CELA1: variants seen among roughly 807,000 people sequenced by gnomAD.
CELA1 encodes chymotrypsin like elastase 1, also known as chymotrypsin-like elastase family member 1.
CELA1 carries 28 observed loss-of-function variants against 34.8 expected under a neutral mutation model. The ratio of observed to expected loss-of-function variants is 0.80; its 90% CI spans 0.60 to 1.10. The LOEUF (loss-of-function observed/expected upper bound fraction) is 1.10, where lower values mean the gene tolerates loss of function less well. Among genes scored for constraint, CELA1 ranks in the 50% least tolerant of loss-of-function variants. The pLI, the probability that CELA1 is intolerant of heterozygous loss-of-function variation, is 0.00. For synonymous variants in CELA1, 140 were observed against 129.8 expected, an observed-to-expected ratio of 1.08 and a Z score of -0.53; for missense variants, 288 against 327.5, an observed-to-expected ratio of 0.88 and a Z score of 0.93.
At position 51,342,531 on chromosome 12, in the gene CELA1, A is replaced by G. The variant is rs1368144718; in HGVS notation, c.326+44T>C. ...GAAGGCAGCCAGTTGTTGGCTAGTC[A>G]GGCCTCACCGCCCAGCCCAGGGCCA... On this transcript the variant is annotated intron_variant, in intron 4 of 7. Coordinates refer to ENST00000293636, the MANE Select transcript of CELA1 (RefSeq NM_001971.6). 7 of 1,613,218 alleles carry G rather than the reference A, an allele frequency of 4.3e-6. No homozygotes were observed. In the Admixed American group the frequency reaches 1.0e-4, roughly 23 times the overall value.
At chr12:51,339,724 T>G in intron 6 of CELA1, 136 bp downstream of exon 6, 2 of 792,992 alleles carry the variant, frequency 2.5e-6, no homozygotes, top group South Asian at 3.9e-5. Flanking sequence ...AGGATCATTC[T>G]CACTTAGACG....
rs548085578 is a variant in CELA1, at chr12:51,337,880, C to T, written c.609+1980G>A. On this transcript the variant is annotated intron_variant, in intron 6 of 7. Transcript: ENST00000293636. ...GAACCATGATGGTACAACTGAACTC[C>T]AGCCTGGGCAACAGAGTGAGACGCT... is the stretch of plus-strand genomic sequence containing the variant. 3.3e-5 allele frequency among the ~76,000 whole-genome samples: 5 copies of T among 150,028 alleles called. No individual in the cohort carries two copies. The South Asian group carries it at 1.1e-3, about 32-fold the overall frequency.
At chr12:51,342,773 G>T in intron 3 of CELA1, 73 bp from the exon 4 acceptor site, 2 of 1,461,360 alleles carry the variant, frequency 1.4e-6, no homozygotes, top group Non-Finnish European at 1.8e-6. Flanking sequence ...GAGAAAAGTT[G>T]AAAAACCATC....
At chr12:51,340,388 C>CT (rs11315182) in intron 5 of CELA1, among the ~76,000 whole-genome samples, 29,574 of 121,450 alleles carry the variant, frequency 0.24, 4,039 homozygotes, top group Middle Eastern at 0.34. Context: ...TTCTTTCTTT[C>CT]TTTTTTTTTT....
chr12:51,333,180 C>T (rs1269043024), intron 6 of CELA1, among the ~76,000 whole-genome samples: 2 of 151,656 alleles, frequency 1.3e-5, no homozygotes, highest in East Asian at 2.0e-4. Flanking sequence ...CTGCCACTTC[C>T]GCCTCCTAGG....
At position 51,339,978 on chromosome 12, in the gene CELA1, T is replaced by C; in HGVS notation, c.491A>G (p.Gln164Arg). The C allele has an allele frequency of 1.9e-6, 3 of 1,613,954 alleles. No homozygotes were observed. In the South Asian group the frequency reaches 3.3e-5, roughly 18 times the overall value. Residue 164 changes from glutamine (Q) to arginine (R), a missense_variant, in exon 6 of 8, where the codon CAG becomes CGG. Gln to Arg is a conservative substitution (Grantham distance 43). Transcript: ENST00000293636. ...KTNGQLAQTL[Q>R]QAYLPSVDYA... The stretch of plus-strand genomic sequence containing the variant: ...GTCCACAGAGGGCAGGTAAGCCTGC[T>C]GCAGGGTCTGGGCCAGCTGCCCATT...
Position 51,346,203 on chromosome 12 carries a change from C to A in CELA1, c.17-326G>T, listed in dbSNP as rs17860286. On this transcript the variant is annotated intron_variant, in intron 1 of 7. Coordinates refer to ENST00000293636, the MANE Select transcript of CELA1 (RefSeq NM_001971.6). The stretch of plus-strand genomic sequence containing the variant: ...CCTTTGGCCTGAAGAGACCCCCCCC[C>A]ACTCTTTGACCCCCACCAGCCCCCT... 8.7e-3 allele frequency among the ~76,000 whole-genome samples: 1,304 copies of A among 149,214 alleles called. 27 individuals are homozygous for A. Among genetic ancestry groups the A allele is most frequent in the African/African-American group, 0.03 (1,226 of 40,516 alleles).
intron 2 of CELA1, 80 bp downstream of exon 2, chr12:51,345,715 G>T: frequency 1.0e-6 from 1 of 998,958 alleles, no homozygotes; most frequent in Non-Finnish European, 1.6e-6. Context: ...ATAGGGACAT[G>T]CACAAATACA....
In CELA1 at chr12:51,343,805, C is replaced by A. The variant is rs769163146; in HGVS notation, c.148G>T (p.Gly50Trp). Reference protein sequence around the residue: ...SGGSRYHTCGGTLIRQNWVMT... With the variant: ...SGGSRYHTCGWTLIRQNWVMT... Reference sequence around the variant, plus strand: ...ACCCAGTTCTGTCTGATAAGGGTCCCTCCACAGGTGTGATACCGGGAACCT... The same window carrying A: ...ACCCAGTTCTGTCTGATAAGGGTCCATCCACAGGTGTGATACCGGGAACCT... Residue 50 changes from glycine (G) to tryptophan (W), a missense_variant, in exon 3 of 8, where the codon GGG becomes TGG. Gly to Trp is a radical substitution (Grantham distance 184). Transcript: ENST00000293636. 1.9e-6 allele frequency: 3 copies of A among 1,611,414 alleles called. No individual in the cohort carries two copies. Among genetic ancestry groups the A allele is most frequent in the Non-Finnish European group, 1.7e-6 (2 of 1,178,160 alleles).
At chr12:51,338,653 C>T (rs912494043) in intron 6 of CELA1, among the ~76,000 whole-genome samples, 1 of 152,216 alleles carries the variant, frequency 6.6e-6, no homozygotes, top group Non-Finnish European at 1.5e-5. Flanking sequence ...CACCTGTGCA[C>T]ATCCTGATTA....
intron 6 of CELA1, among the ~76,000 whole-genome samples, chr12:51,332,693 C>T (rs1390709423): frequency 2.0e-5 from 3 of 151,860 alleles, no homozygotes; most frequent in Non-Finnish European, 4.4e-5. Flanking sequence ...AGCGAAACCC[C>T]GACTCTACTA....
chr12:51,333,413 T>TG (rs1241868448), intron 6 of CELA1, among the ~76,000 whole-genome samples: 1 of 148,820 alleles, frequency 6.7e-6, no homozygotes, highest in Non-Finnish European at 1.5e-5. Flanking sequence ...TTGTTTTTTT[T>TG]TTTTTAAGAC....
At chr12:51,329,980 A>T in intron 6 of CELA1, 147 bp from the exon 7 acceptor site, 2 of 627,528 alleles carry the variant, frequency 3.2e-6, no homozygotes, top group Non-Finnish European at 5.3e-6. Flanking sequence ...CCACAATCAA[A>T]ATGAATCTCT....
At chr12:51,341,482 A>T (rs1946535018) in intron 4 of CELA1, 102 bp from the exon 5 acceptor site, 1 of 1,346,826 alleles carries the variant, frequency 7.4e-7, no homozygotes, top group Non-Finnish European at 1.0e-6. Context: ...GTGGAATTGG[A>T]AAGTGACGAC....
chr12:51,344,849 G>A (rs1488154053), intron 2 of CELA1, among the ~76,000 whole-genome samples: 2 of 152,092 alleles, frequency 1.3e-5, no homozygotes, highest in African/African-American at 4.8e-5. Context: ...GGGAGGCCAG[G>A]CGCTGTGGCT....
intron 5 of CELA1, 150 bp from the exon 6 acceptor site, chr12:51,340,155 T>C: frequency 1.4e-6 from 1 of 690,696 alleles, no homozygotes; most frequent in Non-Finnish European, 2.4e-6. Context: ...GGATCCTCTG[T>C]CTTCTCTCTT....
At chr12:51,331,679 G>C (rs1419277198) in intron 6 of CELA1, among the ~76,000 whole-genome samples, 2 of 152,154 alleles carry the variant, frequency 1.3e-5, no homozygotes, top group Non-Finnish European at 2.9e-5. Flanking sequence ...CTGGATCAAA[G>C]GTCTGGAGTT....
intron 4 of CELA1, among the ~76,000 whole-genome samples, chr12:51,341,848 G>A (rs76907222): frequency 8.0e-5 from 12 of 149,910 alleles, no homozygotes; most frequent in Non-Finnish European, 1.2e-4. Flanking sequence ...CAATTTTCCC[G>A]TGTAAGATTC....
intron 6 of CELA1, among the ~76,000 whole-genome samples, chr12:51,332,647 G>A (rs550786197): frequency 6.6e-6 from 1 of 151,972 alleles, no homozygotes; most frequent in East Asian, 1.9e-4. Flanking sequence ...GGTGGATCAC[G>A]TGACGCCAGG....
Sources: gnomAD v4.1 joint callset for allele counts (sites outside exome capture counted in the v4.1 genomes callset) on GRCh38, gnomAD v4.1.1 for gene constraint, MANE v1.5 for transcripts, NCBI Gene and HGNC (gene_info 2026-07-23, HGNC 2026-07-21) for gene names.